Variants in ANK2 observed in about 807,000 individuals in gnomAD.
The protein encoded by ANK2 is ankyrin-2.
In ANK2, 83 loss-of-function variants were observed where a neutral mutation model predicts 360.5. The observed-to-expected ratio is 0.23, with a 90% confidence interval of 0.19 to 0.28. The LOEUF is 0.28. Among genes scored for constraint, ANK2 ranks in the 10% least tolerant of loss-of-function variants. ANK2 has a pLI of 1.00. For missense variants in ANK2, 4,201 were observed against 4,795.7 expected, an observed-to-expected ratio of 0.88 and a Z score of 3.66; for synonymous variants, 1,740 against 1,759.5, an observed-to-expected ratio of 0.99 and a Z score of 0.28.
chr4:113,014,657 G>T (rs1204155894), intron 2 of ANK2, among the ~76,000 whole-genome samples: 5 of 151,898 alleles, frequency 3.3e-5, no homozygotes, highest in African/African-American at 9.7e-5. Flanking sequence ...TTGTTTTTTG[G>T]TTAGCATATC....
rs180936152 is a variant in ANK2, at chr4:113,043,312, G to T, written c.22-131104G>T. Among the ~76,000 whole-genome samples the T allele has an allele frequency of 1.5e-3, 227 of 152,196 alleles. 1 individual carries two copies. The highest frequency in any genetic ancestry group is 2.4e-3 in the Non-Finnish European group (161 of 68,020). On this transcript the variant is annotated intron_variant, in intron 2 of 30. Transcript: ENST00000503271. Reference sequence around the variant, plus strand: ...GTCCTTCCAGGTCTTCTATGGAAAAGAAGAAGTATAGACTAACACTAGGAC... The same window carrying T: ...GTCCTTCCAGGTCTTCTATGGAAAATAAGAAGTATAGACTAACACTAGGAC...
chr4:113,002,175 C>A (rs2050968904), intron 2 of ANK2, among the ~76,000 whole-genome samples: 1 of 152,094 alleles, frequency 6.6e-6, no homozygotes, highest in Admixed American at 6.6e-5. Flanking sequence ...CCCTCTAGAA[C>A]TAGAAGTACC....
At chr4:113,311,114 T>C in intron 23 of ANK2, 141 bp from the exon 24 acceptor site, 1 of 1,001,762 alleles carries the variant, frequency 1.0e-6, no homozygotes, top group Non-Finnish European at 1.5e-6. Flanking sequence ...AGTTGTTTGC[T>C]GGTGTTCTGT....
the ANK2 span, among the ~76,000 whole-genome samples, chr4:112,736,193 T>C: frequency 1.3e-5 from 2 of 152,132 alleles, no homozygotes; most frequent in African/African-American, 4.8e-5. Context: ...CTGGGCGCGG[T>C]GGCTCATGCC....
At chr4:113,056,846 G>A (rs2070210299) in intron 1 of ANK2, among the ~76,000 whole-genome samples, 1 of 152,112 alleles carries the variant, frequency 6.6e-6, no homozygotes, top group Non-Finnish European at 1.5e-5. Flanking sequence ...ATGAGACCTG[G>A]TTTTTATTCA....
intron 2 of ANK2, among the ~76,000 whole-genome samples, chr4:113,176,605 T>G (rs2098213535): frequency 6.6e-6 from 1 of 151,816 alleles, no homozygotes; most frequent in South Asian, 2.1e-4. Flanking sequence ...TATGAAATAT[T>G]TATTTATTTA....
chr4:112,765,591 C>T, the ANK2 span, among the ~76,000 whole-genome samples: 2 of 151,736 alleles, frequency 1.3e-5, no homozygotes, highest in Admixed American at 1.3e-4. Context: ...TTCATTAAAA[C>T]CCTTGCTTGC....
At chr4:113,323,257 T>C (rs1042065678) in intron 26 of ANK2, among the ~76,000 whole-genome samples, 2 of 152,182 alleles carry the variant, frequency 1.3e-5, no homozygotes, top group Non-Finnish European at 2.9e-5. Context: ...AGGTAATTGA[T>C]ATTACCTACC....
intron 2 of ANK2, among the ~76,000 whole-genome samples, chr4:112,985,268 G>T (rs373679581): frequency 1.3e-5 from 2 of 152,000 alleles, no homozygotes; most frequent in Non-Finnish European, 2.9e-5. Context: ...CAAACTTGTC[G>T]TGTTTGTTTT....
At position 113,355,979 on chromosome 4, in the gene ANK2, C is replaced by T. The variant is rs1436744475; in HGVS notation, c.7361C>T (p.Ser2454Phe). ...AACTCTTCACACAAAACCCCTGATTCTCTGGAGCCAAGTCCTCTGAAAGAA... is the reference window on the plus strand; with the variant it reads ...AACTCTTCACACAAAACCCCTGATTTTCTGGAGCCAAGTCCTCTGAAAGAA... ...EDNSSHKTPD[S>F]LEPSPLKESP... Residue 2454 changes from serine to phenylalanine, a missense_variant, in exon 38 of 46, where the codon TCT (serine) becomes TTT (phenylalanine). Ser to Phe is a radical substitution (Grantham distance 155). This residue lies in a region of ANK2 where 2,642 missense variants were observed against 2,714.5 expected (regional missense o/e 0.97). Transcript: ENST00000357077. The T allele has an allele frequency of 6.2e-7, 1 of 1,614,116 alleles. No homozygotes were observed. Among genetic ancestry groups the T allele is most frequent in the South Asian group, 1.1e-5 (1 of 91,072 alleles).
intron 2 of ANK2, among the ~76,000 whole-genome samples, chr4:113,189,194 G>T (rs1175822635): frequency 6.6e-6 from 1 of 152,076 alleles, no homozygotes; most frequent in Non-Finnish European, 1.5e-5. Flanking sequence ...ACCTGAAATT[G>T]ATACCAAACA....
At chr4:113,025,627 A>G (rs890968295) in intron 2 of ANK2, among the ~76,000 whole-genome samples, 2 of 152,080 alleles carry the variant, frequency 1.3e-5, no homozygotes, top group Non-Finnish European at 2.9e-5. Context: ...AACTCTCTCC[A>G]TATGCAGTTG....
intron 2 of ANK2, among the ~76,000 whole-genome samples, chr4:112,941,821 A>G (rs2094244943): frequency 6.7e-6 from 1 of 150,302 alleles, no homozygotes; most frequent in Non-Finnish European, 1.5e-5. Flanking sequence ...TAATGTATGC[A>G]TGGGGAAAAA....
Position 113,322,918 on chromosome 4 carries a change from T to C in ANK2, c.2900+4298T>C, listed in dbSNP as rs1284747068. On this transcript the variant is annotated intron_variant, in intron 26 of 45. Transcript: ENST00000357077. ...ACAACAGCCTAGGGTTTTTTTTAGA[T>C]ACGTGAAGGTAAATTCTTTTAGATG... 7.2e-5 allele frequency among the ~76,000 whole-genome samples: 11 copies of C among 152,172 alleles called. No homozygotes were observed. In the South Asian group the frequency reaches 1.9e-3, roughly 26 times the overall value.
the ANK2 span, among the ~76,000 whole-genome samples, chr4:112,732,246 ATT>A: frequency 1.9e-4 from 26 of 134,120 alleles, no homozygotes; most frequent in African/African-American, 2.5e-4. Flanking sequence ...CAGAGTAGGG[ATT>A]TTTTTTTTTT....
intron 1 of ANK2, among the ~76,000 whole-genome samples, chr4:113,050,169 G>A (rs991527860): frequency 4.7e-5 from 7 of 149,414 alleles, no homozygotes; most frequent in African/African-American, 1.5e-4. Context: ...GTTAAGCAAC[G>A]TGGATTGTGA....
intron 1 of ANK2, among the ~76,000 whole-genome samples, chr4:113,108,618 T>C (rs1454612307): frequency 3.3e-5 from 5 of 152,162 alleles, no homozygotes; most frequent in Admixed American, 6.6e-5. Flanking sequence ...AAACATTTTC[T>C]TAAGTAAAGT....
At chr4:113,260,515 T>C (rs1379248347) in intron 13 of ANK2, among the ~76,000 whole-genome samples, 2 of 152,210 alleles carry the variant, frequency 1.3e-5, no homozygotes, top group Admixed American at 1.3e-4. Context: ...TTTCTAGTTA[T>C]GTTTTGTAAG....
At chr4:113,282,471 C>G (rs1369936859) in intron 17 of ANK2, among the ~76,000 whole-genome samples, 1 of 152,160 alleles carries the variant, frequency 6.6e-6, no homozygotes, top group Non-Finnish European at 1.5e-5. Context: ...ATCTGTCTTA[C>G]AGTAGAATGG....
Sources: gnomAD v4.1 joint callset for allele counts (sites outside exome capture counted in the v4.1 genomes callset) on GRCh38, gnomAD v4.1.1 for gene constraint, gnomAD v4.1.1 regional missense constraint, MANE v1.5 for transcripts, NCBI Gene and HGNC (gene_info 2026-07-23, HGNC 2026-07-21) for gene names.